The following MARCHF1 variants were observed in gnomAD, a reference collection of about 807,000 sequenced individuals.
MARCHF1 encodes the protein membrane associated ring-CH-type finger 1, also known as E3 ubiquitin-protein ligase MARCHF1.
MARCHF1 carries 40 observed loss-of-function variants against 54.2 expected under a neutral mutation model. The observed-to-expected ratio is 0.74, with a 90% CI of 0.57 to 0.96. The LOEUF (loss-of-function observed/expected upper bound fraction) is 0.96, where lower values mean the gene tolerates loss of function less well. Among genes scored for constraint, MARCHF1 ranks in the 40% least tolerant of loss-of-function variants. MARCHF1 has a pLI of 0.00. For synonymous variants in MARCHF1, 236 were observed against 236.3 expected (o/e 1.00, Z 0.01); for missense variants, 586 against 656.5 (o/e 0.89, Z 1.17).
chr4:163,543,405 G>A (rs1738788915), intron 9 of MARCHF1, among the ~76,000 whole-genome samples: 2 of 151,554 alleles, frequency 1.3e-5, no homozygotes, highest in African/African-American at 4.9e-5. Flanking sequence ...TGTGTATCTG[G>A]GTTTGGCTAC....
chr4:164,246,934 A>G (rs1219813475), intron 1 of MARCHF1, among the ~76,000 whole-genome samples: 2 of 92,134 alleles, frequency 2.2e-5, no homozygotes, highest in East Asian at 3.5e-4. Context: ...TTAGAATGGC[A>G]ATCATTAAAA....
At chr4:164,325,004 GA>G (rs1301395836) in intron 1 of MARCHF1, among the ~76,000 whole-genome samples, 1 of 151,172 alleles carries the variant, frequency 6.6e-6, no homozygotes, top group Non-Finnish European at 1.5e-5. Context: ...CACAATAAAG[GA>G]AAAAAAGAAT....
At chr4:164,055,955 G>A (rs922253202) in intron 2 of MARCHF1, among the ~76,000 whole-genome samples, 14 of 152,128 alleles carry the variant, frequency 9.2e-5, no homozygotes, top group East Asian at 1.9e-4. Flanking sequence ...AAGGAAAAGC[G>A]CAAACATCCA....
At chr4:163,881,470 TC>T (rs1750414263) in intron 3 of MARCHF1, among the ~76,000 whole-genome samples, 1 of 144,040 alleles carries the variant, frequency 6.9e-6, no homozygotes, top group African/African-American at 2.5e-5. Flanking sequence ...AGACTCCATC[TC>T]AAAAGAAAAA....
chr4:164,067,641 A>C (rs903734938), intron 2 of MARCHF1, among the ~76,000 whole-genome samples: 1 of 152,206 alleles, frequency 6.6e-6, no homozygotes, highest in African/African-American at 2.4e-5. Context: ...GAAGAAACCT[A>C]GGAAATACCC....
chr4:163,741,036 T>C (rs1746180180), intron 4 of MARCHF1, among the ~76,000 whole-genome samples: 1 of 152,202 alleles, frequency 6.6e-6, no homozygotes, highest in African/African-American at 2.4e-5. Flanking sequence ...TGTGGCTCTT[T>C]TGTCTACTTA....
At chr4:163,773,155 G>A (rs1392758518) in intron 4 of MARCHF1, among the ~76,000 whole-genome samples, 1 of 152,144 alleles carries the variant, frequency 6.6e-6, no homozygotes, top group African/African-American at 2.4e-5. Flanking sequence ...GAGACAGGCT[G>A]TGCCTCAGAA....
intron 1 of MARCHF1, among the ~76,000 whole-genome samples, chr4:164,279,253 A>G (rs985382822): frequency 1.1e-4 from 17 of 151,674 alleles, no homozygotes; most frequent in Non-Finnish European, 1.8e-4. Context: ...GAAAGGAAAC[A>G]AAATAAACAG....
chr4:163,566,288 G>C (rs1430052119), intron 8 of MARCHF1, among the ~76,000 whole-genome samples: 1 of 152,204 alleles, frequency 6.6e-6, no homozygotes, highest in African/African-American at 2.4e-5. Context: ...GGGACATACT[G>C]TTTGTCCGGG....
intron 1 of MARCHF1, among the ~76,000 whole-genome samples, chr4:164,263,242 G>GA (rs1733518390): frequency 6.6e-6 from 1 of 152,036 alleles, no homozygotes; most frequent in Non-Finnish European, 1.5e-5. Flanking sequence ...CACACACTTA[G>GA]AAAAACACAC....
At chr4:163,716,086 C>T (rs1407893588) in intron 4 of MARCHF1, among the ~76,000 whole-genome samples, 1 of 152,076 alleles carries the variant, frequency 6.6e-6, no homozygotes, top group Admixed American at 6.5e-5. Context: ...CCAGGAAAAT[C>T]CATATACTTA....
At chr4:163,754,342 T>C (rs979353355) in intron 4 of MARCHF1, among the ~76,000 whole-genome samples, 2 of 152,194 alleles carry the variant, frequency 1.3e-5, no homozygotes, top group South Asian at 2.1e-4. Context: ...GAACCAATAA[T>C]GGAAGAGGAG....
At chr4:164,189,240 C>A (rs1731058697) in intron 1 of MARCHF1, 5 of 570,768 alleles carry the variant, frequency 8.8e-6, no homozygotes, top group Non-Finnish European at 6.5e-6. Context: ...TGCAGAAACT[C>A]CAGCTAGAGG....
intron 3 of MARCHF1, among the ~76,000 whole-genome samples, chr4:163,931,270 G>C (rs1168948954): frequency 1.3e-5 from 2 of 152,146 alleles, no homozygotes; most frequent in African/African-American, 4.8e-5. Context: ...ATGGCAGCCT[G>C]AGCTGACTAA....
intron 5 of MARCHF1, among the ~76,000 whole-genome samples, chr4:163,652,078 C>T (rs1453663500): frequency 6.6e-6 from 1 of 151,732 alleles, no homozygotes; most frequent in African/African-American, 2.4e-5. Flanking sequence ...GAATGTTCTG[C>T]CGTCATGTGC....
chr4:163,988,211 C>T (rs1752906523), intron 3 of MARCHF1, among the ~76,000 whole-genome samples: 1 of 152,142 alleles, frequency 6.6e-6, no homozygotes, highest in Non-Finnish European at 1.5e-5. Context: ...AACCCACAAG[C>T]CATAAAAGTC....
chr4:164,213,690 TATAA>T (rs1731845858), intron 1 of MARCHF1, among the ~76,000 whole-genome samples: 1 of 152,152 alleles, frequency 6.6e-6, no homozygotes, highest in Admixed American at 6.5e-5. Flanking sequence ...ATGTATCTAT[TATAA>T]ATGAGATGTC....
At chr4:163,926,844 C>G (rs1257532773) in intron 3 of MARCHF1, among the ~76,000 whole-genome samples, 1 of 151,408 alleles carries the variant, frequency 6.6e-6, no homozygotes, top group African/African-American at 2.4e-5. Flanking sequence ...ATGAATATGT[C>G]TCCCAAGGAA....
intron 2 of MARCHF1, among the ~76,000 whole-genome samples, chr4:164,004,487 G>C (rs537780643): frequency 1.3e-5 from 2 of 151,712 alleles, no homozygotes; most frequent in African/African-American, 4.8e-5. Context: ...CAAACATAAG[G>C]ATAACCTATA....
Sources: allele counts gnomAD v4.1 joint callset (sites outside exome capture counted in the v4.1 genomes callset), GRCh38; gene constraint gnomAD v4.1.1; transcripts MANE v1.5; gene names NCBI Gene and HGNC (gene_info 2026-07-23, HGNC 2026-07-21).